MERTK: variants seen among roughly 807,000 people sequenced by gnomAD.
The protein encoded by MERTK is MER proto-oncogene, tyrosine kinase, also known as tyrosine-protein kinase Mer.
A neutral mutation model predicts 99.3 loss-of-function variants in MERTK; 69 were observed. That is an observed-to-expected ratio of 0.70 (90% CI 0.57 to 0.85). MERTK has a LOEUF of 0.85. Ranked by LOEUF, MERTK falls within the 40% of genes least tolerant of loss-of-function variation. The probability of loss-of-function intolerance (pLI) is 0.00; values close to 1 mark genes in which losing one functional copy is unlikely to be tolerated. For synonymous variants in MERTK, 426 were observed against 467.6 expected (o/e 0.91, Z 1.15); for missense variants, 1,125 against 1,249.4 (o/e 0.90, Z 1.50).
chr2:111,938,153 T>C (rs563388951), intron 2 of MERTK, among the ~76,000 whole-genome samples: 109 of 152,312 alleles, frequency 7.2e-4, no homozygotes, highest in African/African-American at 2.3e-3. Context: ...CACGGCTTAT[T>C]GCAGCCTCGA....
At chr2:111,991,636 G>A (rs557604692) in intron 8 of MERTK, among the ~76,000 whole-genome samples, 55 of 152,104 alleles carry the variant, frequency 3.6e-4, no homozygotes, top group African/African-American at 1.1e-3. Context: ...TCATAGACTC[G>A]GAGTCCAGTG....
intron 1 of MERTK, among the ~76,000 whole-genome samples, chr2:111,901,597 C>A (rs1488260716): frequency 6.7e-6 from 1 of 149,946 alleles, no homozygotes; most frequent in Non-Finnish European, 1.5e-5. Flanking sequence ...ATTCTGCCAC[C>A]CAGGCTAGAG....
intron 2 of MERTK, among the ~76,000 whole-genome samples, chr2:111,932,183 A>G (rs992202707): frequency 2.0e-5 from 3 of 152,114 alleles, no homozygotes; most frequent in Non-Finnish European, 4.4e-5. Context: ...TTTGCAAATG[A>G]TGAGCATTTC....
At chr2:111,968,662 T>A (rs189148119) in intron 6 of MERTK, among the ~76,000 whole-genome samples, 1 of 152,220 alleles carries the variant, frequency 6.6e-6, no homozygotes, top group Non-Finnish European at 1.5e-5. Context: ...CCTGAGTAGC[T>A]GAGATTACAG....
At chr2:111,963,433 C>G (rs1179959627) in intron 4 of MERTK, among the ~76,000 whole-genome samples, 1 of 152,202 alleles carries the variant, frequency 6.6e-6, no homozygotes, top group Non-Finnish European at 1.5e-5. Context: ...TCCCTTCCCA[C>G]GAGGCCATAT....
At chr2:111,986,470 G>A (rs1166368581) in intron 8 of MERTK, among the ~76,000 whole-genome samples, 2 of 152,234 alleles carry the variant, frequency 1.3e-5, no homozygotes, top group Non-Finnish European at 2.9e-5. Flanking sequence ...CTAAAAACAA[G>A]CCAGTTTGTT....
chr2:111,964,384 TGTGTGTGTGTGTGTGC>T (rs1403148109), intron 4 of MERTK, among the ~76,000 whole-genome samples: 1 of 136,656 alleles, frequency 7.3e-6, no homozygotes, highest in Non-Finnish European at 1.6e-5. Context: ...TGTGTGTGTG[TGTGTGTGTGTGTGTGC>T]GCGCGCGCAC....
At chr2:111,912,401 C>A (rs1412472690) in intron 1 of MERTK, among the ~76,000 whole-genome samples, 1 of 152,106 alleles carries the variant, frequency 6.6e-6, no homozygotes, top group Non-Finnish European at 1.5e-5. Context: ...GTGAGGTTTC[C>A]TTTGCCATAA....
intron 18 of MERTK, among the ~76,000 whole-genome samples, chr2:112,028,008 C>T (rs545795479): frequency 2.0e-5 from 3 of 152,286 alleles, no homozygotes; most frequent in South Asian, 4.1e-4. Context: ...TCCAATAAAA[C>T]TTTATTTACA....
Position 112,029,503 on chromosome 2 carries a change from T to C in MERTK, c.*639T>C, listed in dbSNP as rs1677537878. On this transcript the variant is annotated 3_prime_UTR_variant, in exon 19 of 19. Coordinates refer to ENST00000295408, the MANE Select transcript of MERTK (RefSeq NM_006343.3). Reference sequence around the variant, plus strand: ...TTCTTGGCATTGCTTTATAGAGATATGGAAAAACCACACCAGGGTCTGTAG... The same window carrying C: ...TTCTTGGCATTGCTTTATAGAGATACGGAAAAACCACACCAGGGTCTGTAG... 4.9e-6 allele frequency: 1 copy of C among 202,232 alleles called. No individual in the cohort carries two copies. The allele number at this position is 202,232 out of a possible 1,614,324, so 12.5% of individuals were successfully genotyped here. A position where few individuals can be genotyped will look rare whatever the true frequency, so the allele number is the denominator to read the frequency against.
chr2:111,997,555 G>A, intron 10 of MERTK, 79 bp downstream of exon 10: 1 of 1,531,186 alleles, frequency 6.5e-7, no homozygotes, highest in Non-Finnish European at 8.9e-7. Context: ...TTTCCTGTTG[G>A]GCCAGCTGCT....
intron 3 of MERTK, 97 bp downstream of exon 3, chr2:111,945,157 T>A: frequency 1.1e-6 from 1 of 931,912 alleles, no homozygotes; most frequent in Non-Finnish European, 1.7e-6. Context: ...TTTGCCTGCC[T>A]ATTTATAACT....
chr2:112,008,986 CT>C (rs1677041809), intron 14 of MERTK, among the ~76,000 whole-genome samples: 1 of 152,158 alleles, frequency 6.6e-6, no homozygotes, highest in South Asian at 2.1e-4. Context: ...CGTAATTTGG[CT>C]TTGCAGCTCC....
At chr2:111,957,385 GC>G (rs913026517) in intron 4 of MERTK, among the ~76,000 whole-genome samples, 4 of 151,848 alleles carry the variant, frequency 2.6e-5, no homozygotes, top group African/African-American at 9.7e-5. Flanking sequence ...ACCTCCCCAG[GC>G]CCCCGAGTAT....
chr2:111,982,497 C>G (rs1676392384), intron 7 of MERTK, among the ~76,000 whole-genome samples: 1 of 152,188 alleles, frequency 6.6e-6, no homozygotes, highest in African/African-American at 2.4e-5. Context: ...ATCCTCCTGC[C>G]TGTCTCCTGA....
intron 15 of MERTK, among the ~76,000 whole-genome samples, chr2:112,016,842 C>A (rs573418719): frequency 6.6e-6 from 1 of 152,314 alleles, no homozygotes; most frequent in African/African-American, 2.4e-5. Context: ...GTAATCCCAG[C>A]AGTTTGGGAG....
At chr2:111,942,420 T>TG (rs1684880631) in intron 2 of MERTK, among the ~76,000 whole-genome samples, 1 of 152,190 alleles carries the variant, frequency 6.6e-6, no homozygotes, top group African/African-American at 2.4e-5. Flanking sequence ...TTGCCCACGA[T>TG]GGGCAGGACA....
intron 1 of MERTK, among the ~76,000 whole-genome samples, chr2:111,924,084 G>A (rs1216800013): frequency 6.6e-6 from 1 of 152,148 alleles, no homozygotes; most frequent in African/African-American, 2.4e-5. Flanking sequence ...CTAAAATTGT[G>A]CAGTACGAGC....
intron 2 of MERTK, among the ~76,000 whole-genome samples, chr2:111,942,076 C>T (rs574280568): frequency 1.3e-5 from 2 of 152,332 alleles, no homozygotes; most frequent in East Asian, 1.9e-4. Context: ...CTGTGCCCCA[C>T]CTCCCTCCCG....
Sources: gnomAD v4.1 joint callset for allele counts (sites outside exome capture counted in the v4.1 genomes callset) on GRCh38, gnomAD v4.1.1 for gene constraint, MANE v1.5 for transcripts, NCBI Gene and HGNC (gene_info 2026-07-23, HGNC 2026-07-21) for gene names.